Variants in DSCAM observed in about 807,000 individuals in gnomAD.
DSCAM encodes DS cell adhesion molecule.
In DSCAM, 47 loss-of-function variants were observed where a neutral mutation model predicts 217.7. That is an observed-to-expected ratio of 0.22 (90% CI 0.17 to 0.28). The LOEUF (loss-of-function observed/expected upper bound fraction) is 0.28. DSCAM is among the 10% of genes least tolerant of loss of function. The pLI is 1.00. For missense variants in DSCAM, 2,080 were observed against 2,618.3 expected (o/e 0.79, Z 4.49); for synonymous variants, 1,056 against 1,015.3 (o/e 1.04, Z -0.76).
intron 6 of DSCAM, among the ~76,000 whole-genome samples, chr21:40,341,211 G>A (rs961664476): frequency 2.0e-5 from 3 of 152,160 alleles, no homozygotes; most frequent in Admixed American, 1.3e-4. Context: ...TGCAGACGTT[G>A]CCTCATCACA....
intron 20 of DSCAM, among the ~76,000 whole-genome samples, chr21:40,100,653 TA>T (rs2089738590): frequency 6.7e-6 from 1 of 148,850 alleles, no homozygotes; most frequent in African/African-American, 2.5e-5. Context: ...TTTTTTTTTT[TA>T]AAGAAACAAA....
At chr21:40,812,057 G>A (rs6517620) in intron 1 of DSCAM, among the ~76,000 whole-genome samples, 134,245 of 152,286 alleles carry the variant, frequency 0.88, 59,318 homozygotes, top group Admixed American at 0.9. Context: ...TAGATCAGGA[G>A]AAGGCATAGA....
intron 4 of DSCAM, among the ~76,000 whole-genome samples, chr21:40,359,865 G>A (rs560400051): frequency 3.3e-4 from 50 of 152,172 alleles, no homozygotes; most frequent in South Asian, 2.1e-4. Context: ...TTAAATTGGC[G>A]TAATTGTGGC....
intron 1 of DSCAM, among the ~76,000 whole-genome samples, chr21:40,775,848 G>A (rs563862813): frequency 7.2e-5 from 11 of 152,270 alleles, no homozygotes; most frequent in African/African-American, 1.9e-4. Context: ...TTCTTTGGGC[G>A]ATTGCAAATG....
intron 11 of DSCAM, among the ~76,000 whole-genome samples, chr21:40,269,793 G>A (rs992472579): frequency 6.6e-6 from 1 of 152,150 alleles, no homozygotes. Context: ...AAGGACACCA[G>A]TCATATTGGA....
At chr21:40,843,790 CTTTT>C (rs56383167) in intron 1 of DSCAM, among the ~76,000 whole-genome samples, 1 of 118,986 alleles carries the variant, frequency 8.4e-6, no homozygotes, top group Non-Finnish European at 1.8e-5. Context: ...CTGACTTCTT[CTTTT>C]TTTTTTTTTT....
rs1569093007 is a variant in DSCAM at position 40,376,580 on chromosome 21, TATATATCTTATATC to T, written c.509-7349_509-7336del. ...TATCTATATATCTTATATCGATATC[TATATATCTTATATC>T]GATATCTATATATCTTATATAGATA... On this transcript the variant is annotated intron_variant, in intron 3 of 32. Coordinates refer to ENST00000400454, the MANE Select transcript of DSCAM (RefSeq NM_001389.5). 8.1e-5 allele frequency among the ~76,000 whole-genome samples: 6 copies of T among 74,102 alleles called. 2 individuals carry two copies. The highest frequency in any genetic ancestry group is 2.9e-5 in the Non-Finnish European group (1 of 34,196). The allele number at this position is 74,102 out of a possible 152,430, so 48.6% of individuals were successfully genotyped here. A position where few individuals can be genotyped will look rare whatever the true frequency, so the allele number is the denominator to read the frequency against.
At chr21:40,171,614 ATAATT>A (rs1165260564) in intron 15 of DSCAM, among the ~76,000 whole-genome samples, 1 of 152,032 alleles carries the variant, frequency 6.6e-6, no homozygotes, top group African/African-American at 2.4e-5. Context: ...ACAAACCAAA[ATAATT>A]TAATTTGTAC....
chr21:40,635,992 T>A (rs912444672), intron 3 of DSCAM, among the ~76,000 whole-genome samples: 2 of 152,192 alleles, frequency 1.3e-5, no homozygotes, highest in East Asian at 3.8e-4. Context: ...CAAAATGAAT[T>A]CTCTGAAGAG....
At chr21:40,665,281 A>G (rs569602630) in intron 3 of DSCAM, among the ~76,000 whole-genome samples, 10 of 152,302 alleles carry the variant, frequency 6.6e-5, no homozygotes, top group African/African-American at 2.4e-4. Flanking sequence ...TACAACTTGA[A>G]TGACAAGAAG....
In DSCAM at chr21:40,766,669, CAAAAAAAAA is replaced by C. The variant is rs34935219; in HGVS notation, c.44-57907_44-57899del. Among the ~76,000 whole-genome samples the C allele has an allele frequency of 1.1e-3, 70 of 66,640 alleles. 1 individual carries two copies. In the East Asian group the frequency reaches 0.027, roughly 26 times the overall value. The allele number at this position is 66,640 out of a possible 152,430, so 43.7% of individuals were successfully genotyped here. A position where few individuals can be genotyped will look rare whatever the true frequency, so the allele number is the denominator to read the frequency against. ...TTTTAAAAAGACAAAACAACAATTCCAAAAAAAAAAAAAAAAAAACAACTTTTTTTTTTT... is the reference window on the plus strand; with the variant it reads ...TTTTAAAAAGACAAAACAACAATTCCAAAAAAAAAACAACTTTTTTTTTTT... On this transcript the variant is annotated intron_variant, in intron 1 of 32. Coordinates refer to ENST00000400454, the MANE Select transcript of DSCAM (RefSeq NM_001389.5).
At chr21:40,336,518 C>A (rs1284722543) in intron 8 of DSCAM, among the ~76,000 whole-genome samples, 1 of 152,174 alleles carries the variant, frequency 6.6e-6, no homozygotes, top group East Asian at 1.9e-4. Context: ...CTGTGTAACA[C>A]AGTGAACCAA....
intron 10 of DSCAM, among the ~76,000 whole-genome samples, chr21:40,277,060 A>G (rs141625566): frequency 5.9e-5 from 9 of 152,238 alleles, no homozygotes; most frequent in African/African-American, 2.2e-4. Flanking sequence ...TGAACCTGCC[A>G]TGCTGCCTGC....
At chr21:40,224,270 T>G (rs2146909598) in intron 11 of DSCAM, among the ~76,000 whole-genome samples, 1 of 152,326 alleles carries the variant, frequency 6.6e-6, no homozygotes, top group South Asian at 2.1e-4. Context: ...CAAGATCTGG[T>G]TAAATTGCAA....
intron 21 of DSCAM, among the ~76,000 whole-genome samples, chr21:40,087,786 G>A (rs1163219085): frequency 6.6e-6 from 1 of 152,218 alleles, no homozygotes; most frequent in Non-Finnish European, 1.5e-5. Context: ...CACACATTAA[G>A]GAGAATGAAC....
chr21:40,181,030 C>T lies in DSCAM; in HGVS notation c.2780-1936G>A, dbSNP rs1162471172. Among the ~76,000 whole-genome samples the T allele has an allele frequency of 2.6e-5, 4 of 152,140 alleles. No individual in the cohort carries two copies. In the East Asian group the frequency reaches 7.7e-4, roughly 29 times the overall value. ...GTTTGCACCCTGTCTGTAGCAACTA[C>T]CACTAACTCCCTCCAATGGGCTGGG... On this transcript the variant is annotated intron_variant, in intron 14 of 32. Transcript: ENST00000400454.
At chr21:40,532,670 G>A (rs1263515296) in intron 3 of DSCAM, among the ~76,000 whole-genome samples, 1 of 152,158 alleles carries the variant, frequency 6.6e-6, no homozygotes, top group Admixed American at 6.5e-5. Context: ...GCTGATATAA[G>A]ATGGCCAAGG....
At chr21:40,248,398 C>T (rs531023124) in intron 11 of DSCAM, among the ~76,000 whole-genome samples, 13 of 152,288 alleles carry the variant, frequency 8.5e-5, no homozygotes, top group African/African-American at 3.1e-4. Context: ...GAATGCTTTG[C>T]TGCTTAGAAA....
At chr21:40,660,330 G>A (rs767009800) in intron 3 of DSCAM, among the ~76,000 whole-genome samples, 17 of 152,194 alleles carry the variant, frequency 1.1e-4, no homozygotes, top group Non-Finnish European at 1.2e-4. Flanking sequence ...AGGAGGGAGA[G>A]AGGTAGGGAG....
Sources: allele counts gnomAD v4.1 joint callset (sites outside exome capture counted in the v4.1 genomes callset), GRCh38; gene constraint gnomAD v4.1.1; transcripts MANE v1.5; gene names NCBI Gene and HGNC (gene_info 2026-07-23, HGNC 2026-07-21).